Variants in ZNF423 observed in about 807,000 individuals in gnomAD.
ZNF423 encodes the protein Ebf-associated zinc finger protein.
Under a neutral mutation model 95.8 loss-of-function variants are expected in ZNF423, and 12 were observed. The ratio of observed to expected loss-of-function variants is 0.13; its 90% CI spans 0.08 to 0.20. The LOEUF is 0.20. Among genes scored for constraint, ZNF423 ranks in the 10% least tolerant of loss-of-function variants. ZNF423 has a pLI of 1.00. For synonymous variants in ZNF423, 749 were observed against 711.9 expected, an observed-to-expected ratio of 1.05 and a Z score of -0.83; for missense variants, 1,316 against 1,737.1, an observed-to-expected ratio of 0.76 and a Z score of 4.31.
rs1972799786 is a variant in ZNF423 at position 49,637,892 on chromosome 16, G to A, written c.1284C>T (p.Asn428=). The A allele has an allele frequency of 3.7e-6, 6 of 1,614,178 alleles. No homozygotes were observed. The highest frequency in any genetic ancestry group is 1.3e-5 in the African/African-American group (1 of 75,042). The change falls in exon 4 of 8, where the codon AAC becomes AAT. Residue 428 remains asparagine (N), a synonymous_variant. Transcript: ENST00000563137. The surrounding 1 kb of genome is among the most constrained non-coding windows in gnomAD (Gnocchi z 5.6). ...SCPYCSKRDF[N]SLAVLEIHLK... is the part of the protein sequence containing the mutation. The stretch of plus-strand genomic sequence containing the variant: ...GGTGGATCTCCAGCACGGCCAGGCT[G>A]TTAAAGTCCCGCTTGGAACAATAGG...
chr16:49,700,492 G>A lies in ZNF423; in HGVS notation c.301+30279C>T, dbSNP rs145511758. Among the ~76,000 whole-genome samples the A allele has an allele frequency of 6.2e-3, 937 of 152,334 alleles. 12 individuals carry two copies. Among genetic ancestry groups the A allele is most frequent in the African/African-American group, 0.021 (867 of 41,576 alleles). On this transcript the variant is annotated intron_variant, in intron 3 of 7. Transcript: ENST00000563137. The stretch of plus-strand genomic sequence containing the variant: ...GCTTCCTGACTGGGGCGGAGGGGCA[G>A]CTGGAATACAGGGGGCCGTTCCTTT...
rs1436828102 is a variant in ZNF423 at position 49,490,916 on chromosome 16, A to C, written c.*359T>G. On this transcript the variant is annotated 3_prime_UTR_variant, in exon 8 of 8. Transcript: ENST00000563137. ...AAACAAGAAAGAAAAAAAAGAAGCA[A>C]AGAAAAAAAATCACACTAATTCTTT... 4.4e-6 allele frequency: 1 copy of C among 227,640 alleles called. No homozygotes were observed. The highest frequency in any genetic ancestry group is 8.8e-5 in the East Asian group (1 of 11,358). The allele number at this position is 227,640 out of a possible 1,614,324, so 14.1% of individuals were successfully genotyped here. A position where few individuals can be genotyped will look rare whatever the true frequency, so the allele number is the denominator to read the frequency against.
chr16:49,581,647 G>A (rs1411380710), intron 5 of ZNF423, among the ~76,000 whole-genome samples: 2 of 152,176 alleles, frequency 1.3e-5, no homozygotes, highest in African/African-American at 4.8e-5. Flanking sequence ...TGATATTTAA[G>A]TGCTTTTCCT....
chr16:49,582,875 A>G (rs1281380372), intron 5 of ZNF423, among the ~76,000 whole-genome samples: 1 of 152,250 alleles, frequency 6.6e-6, no homozygotes, highest in Admixed American at 6.5e-5. Context: ...AGGATAAACC[A>G]CTATCACCAA....
chr16:49,502,463 A>C (rs1430889447), intron 7 of ZNF423, among the ~76,000 whole-genome samples: 2 of 151,270 alleles, frequency 1.3e-5, no homozygotes, highest in Non-Finnish European at 1.5e-5. Context: ...AGGAGACCAG[A>C]AACTCCCACT....
chr16:49,813,796 C>G (rs972486557), intron 1 of ZNF423, among the ~76,000 whole-genome samples: 4 of 152,234 alleles, frequency 2.6e-5, no homozygotes, highest in Non-Finnish European at 4.4e-5. Context: ...GTGGCCGAGA[C>G]AGCAGCTGAG....
In ZNF423 at chr16:49,638,309, G is replaced by T; in HGVS notation, c.867C>A (p.His289Gln). The T allele has an allele frequency of 6.2e-7, 1 of 1,613,958 alleles. No individual in the cohort carries two copies. The highest frequency in any genetic ancestry group is 8.5e-7 in the Non-Finnish European group (1 of 1,180,048). The part of the protein sequence containing the change: ...TFSQTEELEK[H>Q]VLTRHPQLSE... ...ACAGCTGCGGGTGGCGGGTGAGCAC[G>T]TGCTTCTCCAGCTCCTCCGTCTGGC... Residue 289 changes from histidine (H) to glutamine (Q), a missense_variant, in exon 4 of 8, where the codon CAC becomes CAA. Coordinates refer to ENST00000563137, the MANE Select transcript of ZNF423 (RefSeq NM_001379286.1). This position sits in a 1 kb window ranked among gnomAD's most constrained non-coding sequence, Gnocchi z 5.6.
intron 3 of ZNF423, among the ~76,000 whole-genome samples, chr16:49,718,497 G>A (rs76421903): frequency 3.3e-4 from 50 of 152,288 alleles, no homozygotes; most frequent in South Asian, 1.0e-3. Context: ...AAGTTTGCTT[G>A]TTCCTTTGAG....
At position 49,789,665 on chromosome 16, in the gene ZNF423, AG is replaced by A. The variant is rs2034379666; in HGVS notation, c.41-120del. 1.3e-5 allele frequency: 12 copies of A among 894,516 alleles called. No individual in the cohort carries two copies. The South Asian group carries it at 2.5e-4, about 18-fold the overall frequency. The allele number at this position is 894,516 out of a possible 1,614,324, so 55.4% of individuals were successfully genotyped here. The stretch of plus-strand genomic sequence containing the variant: ...GGTCCTTATTATAATACCCATCACC[AG>A]GGGAGAGGGGGCAAAGCCTACAAAG... On this transcript the variant is annotated intron_variant, in intron 1 of 7. Transcript: ENST00000563137.
chr16:49,853,392 G>T (rs564726660), intron 1 of ZNF423, among the ~76,000 whole-genome samples: 1 of 152,152 alleles, frequency 6.6e-6, no homozygotes, highest in South Asian at 2.1e-4. Flanking sequence ...TTCCTCCCTT[G>T]ATAAGTGGCC....
At chr16:49,571,032 G>C (rs1055451991) in intron 5 of ZNF423, among the ~76,000 whole-genome samples, 9 of 152,324 alleles carry the variant, frequency 5.9e-5, no homozygotes, top group Admixed American at 2.6e-4. Context: ...TAGTATCCCT[G>C]GTCTGGAGAA....
intron 5 of ZNF423, among the ~76,000 whole-genome samples, chr16:49,566,147 G>A (rs551035689): frequency 2.0e-5 from 3 of 152,300 alleles, no homozygotes; most frequent in African/African-American, 4.8e-5. Context: ...CATCACCAGC[G>A]GAGGAGACAG....
intron 5 of ZNF423, among the ~76,000 whole-genome samples, chr16:49,615,549 G>A (rs1301323717): frequency 2.0e-5 from 3 of 152,156 alleles, no homozygotes; most frequent in African/African-American, 7.2e-5. Context: ...CGCAGGCTAG[G>A]CAGTCCCATG....
At chr16:49,789,432 C>T in intron 2 of ZNF423, 55 bp downstream of exon 2, 1 of 1,565,198 alleles carries the variant, frequency 6.4e-7, no homozygotes, top group Non-Finnish European at 8.6e-7. Flanking sequence ...TTCTGAGTTC[C>T]TGGGCCAGCC....
intron 2 of ZNF423, among the ~76,000 whole-genome samples, chr16:49,752,781 T>C (rs1290805359): frequency 6.6e-6 from 1 of 152,178 alleles, no homozygotes; most frequent in African/African-American, 2.4e-5. Context: ...AATGGGAGGT[T>C]GCTGTGGAGC....
intron 3 of ZNF423, among the ~76,000 whole-genome samples, chr16:49,644,657 TCAAAAAA>T (rs1294668996): frequency 0.038 from 1,344 of 34,948 alleles, 41 homozygotes; most frequent in African/African-American, 0.13. Context: ...AAACTCTGAC[TCAAAAAA>T]AAAAAAAAAA....
intron 5 of ZNF423, among the ~76,000 whole-genome samples, chr16:49,586,604 G>A (rs1970846658): frequency 6.6e-6 from 1 of 152,206 alleles, no homozygotes; most frequent in Non-Finnish European, 1.5e-5. Flanking sequence ...GCTCCGAGCG[G>A]CAGGCGCAGC....
chr16:49,773,727 G>A (rs138658430), intron 2 of ZNF423, among the ~76,000 whole-genome samples: 81 of 152,306 alleles, frequency 5.3e-4, no homozygotes, highest in African/African-American at 1.9e-3. Context: ...GTGTGACATT[G>A]GGCAAGATGC....
intron 1 of ZNF423, among the ~76,000 whole-genome samples, chr16:49,792,233 C>T (rs1049195507): frequency 3.9e-5 from 6 of 152,150 alleles, no homozygotes; most frequent in African/African-American, 1.4e-4. Context: ...CACTTACACC[C>T]ACTCAAGGTG....
Sources: allele counts gnomAD v4.1 joint callset (sites outside exome capture counted in the v4.1 genomes callset), GRCh38; gene constraint gnomAD v4.1.1; non-coding constraint Gnocchi (gnomAD v3.1); transcripts MANE v1.5; gene names NCBI Gene and HGNC (gene_info 2026-07-23, HGNC 2026-07-21).